Variants in POLA1 observed in about 807,000 individuals in gnomAD.
POLA1 encodes DNA polymerase alpha 1, catalytic subunit.
In POLA1, 15 loss-of-function variants were observed where a neutral mutation model predicts 124.0. The ratio of observed to expected loss-of-function variants is 0.12; its 90% CI spans 0.08 to 0.19. The LOEUF (loss-of-function observed/expected upper bound fraction) is 0.19. Among genes scored for constraint, POLA1 ranks in the 10% least tolerant of loss-of-function variants. The pLI is 1.00. For synonymous variants in POLA1, 408 were observed against 389.4 expected (o/e 1.05, Z -0.56); for missense variants, 886 against 1,103.4 (o/e 0.80, Z 2.79).
chrX:24,760,625 A>G (rs993250303), intron 26 of POLA1, among the ~76,000 whole-genome samples: 3 of 112,250 alleles, frequency 2.7e-5, no homozygotes, highest in African/African-American at 6.5e-5. Flanking sequence ...GTTATGGCTC[A>G]GGACCAGCTG....
intron 32 of POLA1, among the ~76,000 whole-genome samples, chrX:24,829,808 A>G (rs779030397): frequency 1.8e-5 from 2 of 112,130 alleles, no homozygotes; most frequent in African/African-American, 6.5e-5. Context: ...GTGGTTTCTA[A>G]GAGGTGCAAG....
chrX:24,920,896 C>T (rs777014779), intron 35 of POLA1, among the ~76,000 whole-genome samples: 2 of 112,347 alleles, frequency 1.8e-5, no homozygotes, highest in Admixed American at 9.4e-5. Context: ...TTTTATCTTG[C>T]TCAATCCTAG....
chrX:24,766,113 A>G (rs1214378846), intron 26 of POLA1, among the ~76,000 whole-genome samples: 2 of 112,268 alleles, frequency 1.8e-5, no homozygotes, highest in Admixed American at 9.4e-5. Context: ...ATGGTCATTT[A>G]GATTGTCGTC....
chrX:24,764,687 A>G (rs1168014731), intron 26 of POLA1, among the ~76,000 whole-genome samples: 1 of 112,058 alleles, frequency 8.9e-6, no homozygotes, highest in East Asian at 2.8e-4. Context: ...GGCAAACAGT[A>G]TTTTTATGCT....
In POLA1 at chrX:24,853,840, A is replaced by G. The variant is rs1020342629; in HGVS notation, c.4047+10163A>G. 1.1e-4 allele frequency among the ~76,000 whole-genome samples: 12 copies of G among 112,164 alleles called. No homozygotes were observed. In the South Asian group the frequency reaches 1.1e-3, roughly 10 times the overall value. On this transcript the variant is annotated intron_variant, in intron 34 of 36. Coordinates refer to ENST00000379068, the MANE Select transcript of POLA1 (RefSeq NM_001330360.2). ...GGTTAGTTCAGCTTGCAGCTCAGAC[A>G]GTTACACAGGTGCTTTTCCTGGAAA...
At chrX:24,973,717 A>G (rs2048331028) in intron 36 of POLA1, among the ~76,000 whole-genome samples, 1 of 111,462 alleles carries the variant, frequency 9.0e-6, no homozygotes, top group African/African-American at 3.3e-5. Flanking sequence ...CCCTCCCACC[A>G]TGGTCGGGAG....
chrX:24,812,288 CACTA>C (rs777012661), intron 28 of POLA1, among the ~76,000 whole-genome samples: 94 of 112,410 alleles, frequency 8.4e-4, no homozygotes, highest in Non-Finnish European at 1.6e-3. Context: ...ACTGTCTATT[CACTA>C]ACTAACTGAA....
chrX:24,747,290 C>T (rs1025811267), intron 24 of POLA1, among the ~76,000 whole-genome samples: 24 of 108,993 alleles, frequency 2.2e-4, no homozygotes, highest in Non-Finnish European at 3.6e-4. Flanking sequence ...CTCAGCCTCC[C>T]GAGTAGCTGG....
rs376427799 is a variant in POLA1 at position 24,924,218 on chromosome X, G to A, written c.4165-6235G>A. Among the ~76,000 whole-genome samples the A allele has an allele frequency of 7.2e-5, 8 of 111,879 alleles. No homozygotes were observed. The East Asian group carries it at 1.1e-3, about 16-fold the overall frequency. Reference sequence around the variant, plus strand: ...CTATCACATATCCACTGTGTACTTCGTAGCAGTCATGGTGCTCGGTGCTTT... The same window carrying A: ...CTATCACATATCCACTGTGTACTTCATAGCAGTCATGGTGCTCGGTGCTTT... On this transcript the variant is annotated intron_variant, in intron 35 of 36. Transcript: ENST00000379068.
intron 35 of POLA1, among the ~76,000 whole-genome samples, chrX:24,907,800 TG>T (rs898158775): frequency 2.7e-5 from 3 of 111,836 alleles, no homozygotes; most frequent in African/African-American, 9.7e-5. Flanking sequence ...GCAACAAAAA[TG>T]GGAAGTATAA....
At chrX:24,777,076 A>G (rs1020874185) in intron 26 of POLA1, among the ~76,000 whole-genome samples, 2 of 112,205 alleles carry the variant, frequency 1.8e-5, no homozygotes, top group Non-Finnish European at 3.8e-5. Flanking sequence ...CTGAATCCCA[A>G]GCTTTCTCAA....
intron 23 of POLA1, chrX:24,744,315 TCA>T (rs2148397701): frequency 4.5e-6 from 1 of 223,065 alleles, no homozygotes; most frequent in South Asian, 6.1e-5. Context: ...TCTGTAAGCC[TCA>T]GTTTCTTCTG....
intron 23 of POLA1, among the ~76,000 whole-genome samples, chrX:24,743,692 G>A (rs759478844): frequency 3.7e-4 from 41 of 111,374 alleles, no homozygotes; most frequent in African/African-American, 6.5e-4. Context: ...GTCTGTAGCC[G>A]TAGTTTGTCT....
chrX:24,872,307 ACT>A (rs1422074582), intron 34 of POLA1, among the ~76,000 whole-genome samples: 1 of 110,879 alleles, frequency 9.0e-6, no homozygotes, highest in Non-Finnish European at 1.9e-5. Context: ...AACATAATGA[ACT>A]CTCATTTATA....
At chrX:24,869,043 C>T (rs1487506231) in intron 34 of POLA1, among the ~76,000 whole-genome samples, 3 of 111,913 alleles carry the variant, frequency 2.7e-5, no homozygotes, top group African/African-American at 9.8e-5. Context: ...AAGCGAACCT[C>T]CCAACTCCGC....
In POLA1 at chrX:24,699,461, C is replaced by T; in HGVS notation, c.80C>T (p.Ala27Val). The change falls in exon 2 of 37, where the codon GCC (alanine) becomes GTC (valine). Residue 27 changes from alanine (A) to valine (V), a missense_variant. By Grantham distance (64) the Ala-to-Val change is moderately conservative. Transcript: ENST00000379068. ...TCAGGGAGTTTTGTATCTTCTCGAG[C>T]CCGGCGAGAAAAAAAATCAAAGAAG... ...SDSGSFVSSR[A>V]RREKKSKKGR... The T allele has an allele frequency of 8.5e-7, 1 of 1,179,929 alleles. No individual in the cohort carries two copies. The highest frequency in any genetic ancestry group is 1.1e-6 in the Non-Finnish European group (1 of 875,993).
chrX:24,859,457 C>T (rs2046689155), intron 34 of POLA1, among the ~76,000 whole-genome samples: 1 of 112,107 alleles, frequency 8.9e-6, no homozygotes, highest in African/African-American at 3.2e-5. Context: ...CATAGCCCAC[C>T]ACTTGTGACA....
chrX:24,743,205 A>G (rs749424884), intron 22 of POLA1, 25 bp from the exon 23 acceptor site: 1 of 777,866 alleles, frequency 1.3e-6, no homozygotes, highest in South Asian at 2.5e-5. Context: ...CTGGCTGGTG[A>G]AGTTATCTTT....
intron 18 of POLA1, among the ~76,000 whole-genome samples, chrX:24,736,621 C>G: frequency 8.9e-6 from 1 of 111,917 alleles, no homozygotes; most frequent in Non-Finnish European, 1.9e-5. Flanking sequence ...TTTGGGTCTT[C>G]TAATTTAATA....
Sources: gnomAD v4.1 joint callset for allele counts (sites outside exome capture counted in the v4.1 genomes callset) on GRCh38, gnomAD v4.1.1 for gene constraint, MANE v1.5 for transcripts, NCBI Gene and HGNC (gene_info 2026-07-23, HGNC 2026-07-21) for gene names.